The following CSMD1 variants were observed in gnomAD, a reference collection of about 807,000 sequenced individuals.
The protein encoded by CSMD1 is CUB and sushi domain-containing protein 1.
Under a neutral mutation model 417.5 loss-of-function variants are expected in CSMD1, and 213 were observed. The ratio of observed to expected loss-of-function variants is 0.51; its 90% confidence interval spans 0.46 to 0.57. The LOEUF is 0.57. Ranked by LOEUF, CSMD1 falls within the 20% of genes least tolerant of loss-of-function variation. The probability of loss-of-function intolerance (pLI) is 0.00; values close to 1 mark genes in which losing one functional copy is unlikely to be tolerated. For missense variants in CSMD1, 6,923 were observed against 4,529.7 expected (o/e 1.53, Z -15.17); for synonymous variants, 2,862 against 1,736.8 (o/e 1.65, Z -16.11).
intron 3 of CSMD1, among the ~76,000 whole-genome samples, chr8:4,264,768 G>C (rs1022331713): frequency 6.6e-6 from 1 of 151,998 alleles, no homozygotes; most frequent in Admixed American, 6.6e-5. Flanking sequence ...ACGTTCTTTG[G>C]CCATTTTTGC....
chr8:3,867,249 G>T (rs923215544), intron 5 of CSMD1, among the ~76,000 whole-genome samples: 1 of 152,112 alleles, frequency 6.6e-6, no homozygotes, highest in Admixed American at 6.5e-5. Flanking sequence ...GCTAGCTAGT[G>T]TAAGAAGCAA....
At chr8:4,991,468 C>T (rs957742184) in intron 1 of CSMD1, among the ~76,000 whole-genome samples, 4 of 152,226 alleles carry the variant, frequency 2.6e-5, no homozygotes, top group African/African-American at 7.2e-5. Context: ...AGCCTCACGA[C>T]TCCGCAAACA....
At chr8:3,456,393 C>G (rs183940081) in intron 12 of CSMD1, among the ~76,000 whole-genome samples, 2 of 152,272 alleles carry the variant, frequency 1.3e-5, no homozygotes, top group Admixed American at 1.3e-4. Context: ...ATCCCTCACG[C>G]TGGGAGCTGT....
intron 2 of CSMD1, among the ~76,000 whole-genome samples, chr8:4,637,023 C>A (rs1434078229): frequency 1.4e-4 from 21 of 152,152 alleles, no homozygotes; most frequent in Admixed American, 1.4e-3. Context: ...TCCTATAGGA[C>A]AGAAATGGAA....
intron 2 of CSMD1, among the ~76,000 whole-genome samples, chr8:4,628,046 A>T (rs1802226577): frequency 6.6e-6 from 1 of 151,590 alleles, no homozygotes; most frequent in Non-Finnish European, 1.5e-5. Flanking sequence ...CAAAAAAATC[A>T]CCCCCAGTGG....
intron 10 of CSMD1, among the ~76,000 whole-genome samples, chr8:3,570,714 G>C (rs978108581): frequency 4.6e-5 from 7 of 152,088 alleles, no homozygotes; most frequent in African/African-American, 1.7e-4. Context: ...GTTAGTTACA[G>C]CCAAAAATAC....
chr8:4,402,807 T>A lies in CSMD1; in HGVS notation c.415+17146A>T, dbSNP rs1458652832. Reference sequence around the variant, plus strand: ...TAATGTCCTCACTTTTTTCTTTTTTTTTTTTTTTTTTTTCTTTTTTTTTTT... The same window carrying A: ...TAATGTCCTCACTTTTTTCTTTTTTATTTTTTTTTTTTTCTTTTTTTTTTT... On this transcript the variant is annotated intron_variant, in intron 3 of 69. Transcript: ENST00000635120. Among the ~76,000 whole-genome samples the A allele has an allele frequency of 4.0e-3, 265 of 66,832 alleles. 1 individual carries two copies. The highest frequency in any genetic ancestry group is 0.013 in the African/African-American group (257 of 19,740). The allele number at this position is 66,832 out of a possible 152,430, so 43.8% of individuals were successfully genotyped here.
chr8:4,014,521 G>A (rs1016628932), intron 4 of CSMD1, among the ~76,000 whole-genome samples: 1 of 152,102 alleles, frequency 6.6e-6, no homozygotes, highest in African/African-American at 2.4e-5. Context: ...TACTCTTCAA[G>A]GACTACTATG....
rs537009663 is a variant in CSMD1, at chr8:3,046,322, G to C, written c.7660+6140C>G. 1.3e-4 allele frequency among the ~76,000 whole-genome samples: 20 copies of C among 152,232 alleles called. No individual in the cohort carries two copies. In the South Asian group the frequency reaches 3.5e-3, roughly 27 times the overall value. ...GCTTGGTGAGGGAATGAGTGTGAGA[G>C]CAAGAAAGGAGCTAAGGGTTACAGG... is the stretch of plus-strand genomic sequence containing the variant. On this transcript the variant is annotated intron_variant, in intron 50 of 69. Transcript: ENST00000635120.
chr8:3,376,187 T>TA (rs918930455), intron 18 of CSMD1, among the ~76,000 whole-genome samples: 2 of 152,026 alleles, frequency 1.3e-5, no homozygotes, highest in Non-Finnish European at 1.5e-5. Context: ...ACTTATTTAA[T>TA]AAAAAAAATT....
At chr8:4,254,177 A>G (rs1463132141) in intron 3 of CSMD1, among the ~76,000 whole-genome samples, 5 of 152,052 alleles carry the variant, frequency 3.3e-5, no homozygotes, top group East Asian at 1.9e-4. Context: ...TTGGCCTCCC[A>G]AAGTGATGGG....
chr8:3,672,303 A>G (rs973125066), intron 7 of CSMD1, among the ~76,000 whole-genome samples: 2 of 152,150 alleles, frequency 1.3e-5, no homozygotes, highest in African/African-American at 4.8e-5. Flanking sequence ...ATAGTCTGAG[A>G]ATCCTAAGGT....
intron 54 of CSMD1, among the ~76,000 whole-genome samples, chr8:2,995,749 C>G (rs374258841): frequency 6.6e-6 from 1 of 152,152 alleles, no homozygotes; most frequent in East Asian, 1.9e-4. Flanking sequence ...CAGGCCACAA[C>G]TTGGATGAAT....
At chr8:3,770,110 G>C (rs1284544200) in intron 5 of CSMD1, among the ~76,000 whole-genome samples, 2 of 152,190 alleles carry the variant, frequency 1.3e-5, no homozygotes, top group African/African-American at 4.8e-5. Flanking sequence ...CAGAGCGATT[G>C]GCACAGCTGT....
chr8:4,481,167 A>G (rs1267161396), intron 2 of CSMD1, among the ~76,000 whole-genome samples: 1 of 152,198 alleles, frequency 6.6e-6, no homozygotes, highest in Non-Finnish European at 1.5e-5. Flanking sequence ...CCGAATACAC[A>G]TCAGTTCCAG....
chr8:4,280,797 T>A (rs576092058), intron 3 of CSMD1, among the ~76,000 whole-genome samples: 10 of 152,342 alleles, frequency 6.6e-5, no homozygotes, highest in African/African-American at 2.4e-4. Context: ...TTTGAACGTA[T>A]GTTAAAATTT....
In CSMD1 at chr8:4,822,325, C is replaced by G. The variant is rs543555019; in HGVS notation, c.85+172007G>C. ...CTGAAGCCTTGCCCACTGCAGGTTA[C>G]TGAAATCTAGGTTTATGTTTAGAGA... On this transcript the variant is annotated intron_variant, in intron 1 of 69. Transcript: ENST00000635120. Among the ~76,000 whole-genome samples, 17 of 152,246 alleles carry G rather than the reference C, an allele frequency of 1.1e-4. 1 individual carries two copies. In the South Asian group the frequency reaches 3.5e-3, roughly 32 times the overall value.
At chr8:3,878,833 T>C (rs1387432029) in intron 5 of CSMD1, among the ~76,000 whole-genome samples, 2 of 152,164 alleles carry the variant, frequency 1.3e-5, no homozygotes, top group African/African-American at 4.8e-5. Flanking sequence ...CCATATCTTA[T>C]CAAGTGTGTC....
chr8:3,396,657 C>G (rs1340160099), intron 16 of CSMD1, among the ~76,000 whole-genome samples: 1 of 152,140 alleles, frequency 6.6e-6, no homozygotes, highest in Admixed American at 6.5e-5. Context: ...AACAAAAATA[C>G]TATGAACCAG....
Sources: allele counts gnomAD v4.1 joint callset (sites outside exome capture counted in the v4.1 genomes callset), GRCh38; gene constraint gnomAD v4.1.1; transcripts MANE v1.5; gene names NCBI Gene and HGNC (gene_info 2026-07-23, HGNC 2026-07-21).